ZMIZ1: variants seen among roughly 807,000 people sequenced by gnomAD.
ZMIZ1 encodes the protein zinc finger MIZ domain-containing protein 1.
Under a neutral mutation model 113.9 loss-of-function variants are expected in ZMIZ1, and 17 were observed. The ratio of observed to expected loss-of-function variants is 0.15; its 90% CI spans 0.10 to 0.22. The LOEUF (loss-of-function observed/expected upper bound fraction) is 0.22. Ranked by LOEUF, ZMIZ1 falls within the 10% of genes least tolerant of loss-of-function variation. ZMIZ1 has a pLI of 1.00. For missense variants in ZMIZ1, 1,059 were observed against 1,477.8 expected, an observed-to-expected ratio of 0.72 and a Z score of 4.65; for synonymous variants, 607 against 603.1, an observed-to-expected ratio of 1.01 and a Z score of -0.09.
chr10:79,072,364 T>A (rs2132150548), intron 1 of ZMIZ1, among the ~76,000 whole-genome samples: 1 of 152,310 alleles, frequency 6.6e-6, no homozygotes, highest in East Asian at 1.9e-4. Flanking sequence ...CAGGTGTCCA[T>A]GCTTGACTCA....
intron 7 of ZMIZ1, among the ~76,000 whole-genome samples, chr10:79,231,333 T>G (rs1469314148): frequency 2.6e-5 from 4 of 151,520 alleles, no homozygotes; most frequent in African/African-American, 9.7e-5. Context: ...CTGCAACCTC[T>G]GCCTCCCAGG....
chr10:79,144,437 G>C (rs1188347055), intron 3 of ZMIZ1, among the ~76,000 whole-genome samples: 1 of 152,188 alleles, frequency 6.6e-6, no homozygotes, highest in African/African-American at 2.4e-5. Flanking sequence ...CCCAGAGAAG[G>C]TAAGACACTT....
At chr10:79,099,640 A>G (rs1843290982) in intron 1 of ZMIZ1, among the ~76,000 whole-genome samples, 1 of 152,004 alleles carries the variant, frequency 6.6e-6, no homozygotes, top group African/African-American at 2.4e-5. Flanking sequence ...GGGACGTCCC[A>G]GTGTGGAGCC....
intron 1 of ZMIZ1, among the ~76,000 whole-genome samples, chr10:79,077,653 C>A (rs1373260908): frequency 1.3e-5 from 2 of 152,244 alleles, no homozygotes; most frequent in Non-Finnish European, 2.9e-5. Context: ...TTTTCCCAGA[C>A]TGCCTGGGTT....
At chr10:79,239,504 CAT>C (rs999481240) in intron 7 of ZMIZ1, among the ~76,000 whole-genome samples, 1 of 152,206 alleles carries the variant, frequency 6.6e-6, no homozygotes, top group African/African-American at 2.4e-5. Flanking sequence ...ATCTCCGAGT[CAT>C]AGGATCCTTG....
intron 4 of ZMIZ1, among the ~76,000 whole-genome samples, chr10:79,163,285 T>C (rs527595891): frequency 2.4e-4 from 37 of 152,326 alleles, no homozygotes; most frequent in African/African-American, 8.9e-4. Flanking sequence ...AGCTCCGACA[T>C]TGGAGAGCCA....
chr10:79,163,155 A>T (rs541285999), intron 4 of ZMIZ1, among the ~76,000 whole-genome samples: 8 of 152,250 alleles, frequency 5.3e-5, no homozygotes, highest in Non-Finnish European at 8.8e-5. Context: ...GCAGCCCGGG[A>T]GGGGGGAGTC....
intron 6 of ZMIZ1, among the ~76,000 whole-genome samples, chr10:79,209,333 G>T (rs2132685968): frequency 6.6e-6 from 1 of 152,352 alleles, no homozygotes; most frequent in African/African-American, 2.4e-5. Context: ...CAGGTCCAGA[G>T]TTTGTGGTAT....
At chr10:79,168,270 T>G (rs1408687348) in intron 4 of ZMIZ1, among the ~76,000 whole-genome samples, 1 of 151,956 alleles carries the variant, frequency 6.6e-6, no homozygotes, top group East Asian at 1.9e-4. Flanking sequence ...AAAGCGGAGC[T>G]CCCCCGGGGG....
chr10:79,131,042 A>G (rs1359156282), intron 2 of ZMIZ1, among the ~76,000 whole-genome samples: 1 of 152,166 alleles, frequency 6.6e-6, no homozygotes. Context: ...CTAGCCTTGC[A>G]TTCTTGCCTA....
intron 12 of ZMIZ1, chr10:79,293,964 AC>A: frequency 2.1e-6 from 1 of 474,260 alleles, no homozygotes; most frequent in Non-Finnish European, 3.9e-6. Flanking sequence ...TACTGTAGTG[AC>A]TCTTGTCTTG....
At chr10:79,112,976 C>T (rs2132300389) in intron 1 of ZMIZ1, among the ~76,000 whole-genome samples, 1 of 152,320 alleles carries the variant, frequency 6.6e-6, no homozygotes, top group Admixed American at 6.5e-5. Context: ...CTCCCAGCTC[C>T]TGAGATCGTG....
At chr10:79,311,289 G>A (rs1855142220) in intron 24 of ZMIZ1, 105 bp downstream of exon 24, 3 of 1,346,638 alleles carry the variant, frequency 2.2e-6, no homozygotes, top group African/African-American at 1.5e-5. Flanking sequence ...AAGGGAGGAG[G>A]TGGGTGGGCG....
At chr10:79,121,874 A>G (rs1047786114) in intron 2 of ZMIZ1, among the ~76,000 whole-genome samples, 3 of 152,202 alleles carry the variant, frequency 2.0e-5, no homozygotes, top group Non-Finnish European at 4.4e-5. Flanking sequence ...AAAGTCCCAG[A>G]AAAGTGAGAG....
At chr10:79,135,857 A>G (rs546466563) in intron 2 of ZMIZ1, among the ~76,000 whole-genome samples, 8 of 152,344 alleles carry the variant, frequency 5.3e-5, no homozygotes, top group African/African-American at 1.9e-4. Context: ...TACAGCCGGC[A>G]GTGAGCCCAG....
chr10:79,170,116 G>A (rs1199331615), intron 4 of ZMIZ1, among the ~76,000 whole-genome samples: 1 of 152,244 alleles, frequency 6.6e-6, no homozygotes, highest in African/African-American at 2.4e-5. Flanking sequence ...GTCTGATTCT[G>A]TAGATCTGGA....
intron 1 of ZMIZ1, among the ~76,000 whole-genome samples, chr10:79,114,463 ATGTGTGTGTGTGTCTG>A (rs1843905107): frequency 3.8e-5 from 4 of 104,054 alleles, no homozygotes; most frequent in Non-Finnish European, 5.8e-5. Flanking sequence ...CTGGGTGTGT[ATGTGTGTGTGTGTCTG>A]TGTGTGTGTG....
At chr10:79,308,620 T>C (rs1324323839) in intron 23 of ZMIZ1, among the ~76,000 whole-genome samples, 1 of 152,094 alleles carries the variant, frequency 6.6e-6, no homozygotes, top group Non-Finnish European at 1.5e-5. Flanking sequence ...GCAGCAACTT[T>C]CCCTCAGGAC....
rs1182076686 is a variant in ZMIZ1 at position 79,312,757 on chromosome 10, C to G, written c.*8C>G. ...CTATTTGAGAACAACTGAGGGCCAC[C>G]CGGTCGGGGCCATCCCTCCACACTC... On this transcript the variant is annotated 3_prime_UTR_variant, in exon 25 of 25. Transcript: ENST00000334512. The G allele has an allele frequency of 2.5e-6, 4 of 1,612,138 alleles. No homozygotes were observed. The African/African-American group carries it at 5.3e-5, about 22-fold the overall frequency.
Sources: allele counts gnomAD v4.1 joint callset (sites outside exome capture counted in the v4.1 genomes callset), GRCh38; gene constraint gnomAD v4.1.1; transcripts MANE v1.5; gene names NCBI Gene and HGNC (gene_info 2026-07-23, HGNC 2026-07-21).